The following EPHA3 variants were observed in gnomAD, a reference collection of about 807,000 sequenced individuals.
EPHA3 encodes the protein ephrin type-A receptor 3.
In EPHA3, 42 loss-of-function variants were observed where a neutral mutation model predicts 107.1. The ratio of observed to expected loss-of-function variants is 0.39; its 90% CI spans 0.31 to 0.51. The LOEUF (loss-of-function observed/expected upper bound fraction) is 0.51, where lower values mean the gene tolerates loss of function less well. EPHA3 is among the 20% of genes least tolerant of loss of function. EPHA3 has a pLI of 0.78. For synonymous variants in EPHA3, 461 were observed against 424.8 expected (o/e 1.09, Z -1.05); for missense variants, 1,183 against 1,211.2 (o/e 0.98, Z 0.35).
chr3:89,373,879 A>G (rs1433638700), intron 5 of EPHA3, among the ~76,000 whole-genome samples: 1 of 151,884 alleles, frequency 6.6e-6, no homozygotes. Flanking sequence ...CGATGTCATT[A>G]CATGGTTTTA....
chr3:89,249,560 G>A lies in EPHA3; in HGVS notation c.814+39040G>A, dbSNP rs564463756. Among the ~76,000 whole-genome samples the A allele has an allele frequency of 3.3e-5, 5 of 151,942 alleles. No homozygotes were observed. The South Asian group carries it at 6.2e-4, about 19-fold the overall frequency. On this transcript the variant is annotated intron_variant, in intron 3 of 16. Coordinates refer to ENST00000336596, the MANE Select transcript of EPHA3 (RefSeq NM_005233.6). ...ACTGCAACCTCCACCTCCTGGGCTC[G>A]AGCAATTCCCCCGCCTCAGCCTCCC...
At chr3:89,440,290 C>T (rs1394902299) in intron 13 of EPHA3, among the ~76,000 whole-genome samples, 1 of 152,160 alleles carries the variant, frequency 6.6e-6, no homozygotes, top group African/African-American at 2.4e-5. Context: ...GTTAAATACT[C>T]AATTACTTGG....
chr3:89,134,115 C>G (rs1461743243), intron 2 of EPHA3, among the ~76,000 whole-genome samples: 2 of 151,740 alleles, frequency 1.3e-5, no homozygotes, highest in Non-Finnish European at 2.9e-5. Flanking sequence ...GCCGAACAAC[C>G]GCAGAATGGT....
intron 3 of EPHA3, among the ~76,000 whole-genome samples, chr3:89,224,430 T>C (rs1323653424): frequency 6.6e-6 from 1 of 152,216 alleles, no homozygotes; most frequent in Non-Finnish European, 1.5e-5. Context: ...TTTTTTCACC[T>C]TCATTTTATT....
intron 3 of EPHA3, among the ~76,000 whole-genome samples, chr3:89,306,676 C>T (rs544656030): frequency 1.3e-3 from 200 of 152,258 alleles, no homozygotes; most frequent in Non-Finnish European, 2.3e-3. Flanking sequence ...GGCTGGCTTA[C>T]CTAAGCTCAG....
At chr3:89,388,416 G>A (rs1576351823) in intron 5 of EPHA3, among the ~76,000 whole-genome samples, 1 of 152,116 alleles carries the variant, frequency 6.6e-6, no homozygotes, top group East Asian at 1.9e-4. Context: ...TACTGTAAGA[G>A]GGCAGAGGAA....
intron 7 of EPHA3, among the ~76,000 whole-genome samples, chr3:89,400,734 G>A (rs575552807): frequency 6.6e-6 from 1 of 151,984 alleles, no homozygotes; most frequent in African/African-American, 2.4e-5. Flanking sequence ...GGTAATAAAT[G>A]TAATGATTGA....
intron 2 of EPHA3, among the ~76,000 whole-genome samples, chr3:89,203,117 A>T (rs546334271): frequency 6.6e-6 from 1 of 152,184 alleles, no homozygotes; most frequent in South Asian, 2.1e-4. Flanking sequence ...ACGGAAGCTG[A>T]TATTGGAGCA....
At chr3:89,352,766 G>A (rs1255211762) in intron 5 of EPHA3, among the ~76,000 whole-genome samples, 3 of 150,426 alleles carry the variant, frequency 2.0e-5, no homozygotes, top group Admixed American at 1.3e-4. Context: ...AGCCAGGCAT[G>A]ATGGCAGGTG....
intron 7 of EPHA3, among the ~76,000 whole-genome samples, chr3:89,401,732 C>T (rs912517316): frequency 3.3e-5 from 5 of 152,122 alleles, no homozygotes; most frequent in African/African-American, 1.2e-4. Flanking sequence ...TTCAGCCTCC[C>T]GAGTGGCTGG....
chr3:89,237,538 A>G (rs926738639), intron 3 of EPHA3, among the ~76,000 whole-genome samples: 1 of 152,148 alleles, frequency 6.6e-6, no homozygotes, highest in African/African-American at 2.4e-5. Context: ...TTTTCCTAAG[A>G]GTTTCTGCCC....
intron 3 of EPHA3, among the ~76,000 whole-genome samples, chr3:89,336,728 A>C (rs1272785084): frequency 6.6e-6 from 1 of 152,134 alleles, no homozygotes; most frequent in African/African-American, 2.4e-5. Flanking sequence ...ACACTTACTC[A>C]TCCGCCCATA....
intron 13 of EPHA3, 50 bp downstream of exon 13, chr3:89,431,409 T>G (rs368181600): frequency 1.3e-5 from 20 of 1,499,150 alleles, no homozygotes; most frequent in Middle Eastern, 4.4e-4. Flanking sequence ...CCATCTTGTA[T>G]CATGTTGATT....
chr3:89,108,732 A>G (rs1236028291), intron 1 of EPHA3, among the ~76,000 whole-genome samples: 1 of 152,174 alleles, frequency 6.6e-6, no homozygotes, highest in Non-Finnish European at 1.5e-5. Flanking sequence ...TACTTAATAC[A>G]TACATTTTCT....
Position 89,431,329 on chromosome 3 carries a change from G to A in EPHA3, c.2316G>A (p.Glu772=), listed in dbSNP as rs1330265810. ...VSDFGLSRVL[E]DDPEAAYTTR... The stretch of plus-strand genomic sequence containing the variant: ...ATTTCGGACTTTCGCGTGTCCTGGA[G>A]GATGACCCAGAAGCTGCTTATACAA... Residue 772 remains glutamate, a synonymous_variant, in exon 13 of 17, where the codon GAG becomes GAA. Coordinates refer to ENST00000336596, the MANE Select transcript of EPHA3 (RefSeq NM_005233.6). 5 of 1,613,590 alleles carry A rather than the reference G, an allele frequency of 3.1e-6. No homozygotes were observed. Among genetic ancestry groups the A allele is most frequent in the Non-Finnish European group, 1.7e-6 (2 of 1,179,902 alleles).
chr3:89,424,478 CTGT>C (rs1017951692), intron 11 of EPHA3, among the ~76,000 whole-genome samples: 1 of 151,094 alleles, frequency 6.6e-6, no homozygotes, highest in South Asian at 2.1e-4. Context: ...AACAAAAAGC[CTGT>C]TGTTATTATT....
chr3:89,252,371 A>G (rs1419223103), intron 3 of EPHA3, among the ~76,000 whole-genome samples: 1 of 152,186 alleles, frequency 6.6e-6, no homozygotes, highest in African/African-American at 2.4e-5. Context: ...TCTCAAGTGG[A>G]GTACGGACGT....
At chr3:89,161,057 T>C (rs1243998356) in intron 2 of EPHA3, among the ~76,000 whole-genome samples, 1 of 152,182 alleles carries the variant, frequency 6.6e-6, no homozygotes, top group Admixed American at 6.5e-5. Flanking sequence ...ATCTGAGTGA[T>C]GATCTCATCT....
At chr3:89,236,751 C>G (rs1193975333) in intron 3 of EPHA3, among the ~76,000 whole-genome samples, 2 of 152,000 alleles carry the variant, frequency 1.3e-5, no homozygotes, top group Non-Finnish European at 2.9e-5. Flanking sequence ...AGAGTAAGTC[C>G]TTAAATTCAC....
Sources: gnomAD v4.1 joint callset for allele counts (sites outside exome capture counted in the v4.1 genomes callset) on GRCh38, gnomAD v4.1.1 for gene constraint, MANE v1.5 for transcripts, NCBI Gene and HGNC (gene_info 2026-07-23, HGNC 2026-07-21) for gene names.